The following HEXD variants were observed in gnomAD, a reference collection of about 807,000 sequenced individuals.
The protein encoded by HEXD is hexosaminidase D.
HEXD carries 47 observed loss-of-function variants against 54.2 expected under a neutral mutation model. The ratio of observed to expected loss-of-function variants is 0.87; its 90% CI spans 0.69 to 1.11. The LOEUF (loss-of-function observed/expected upper bound fraction) is 1.11, where lower values mean the gene tolerates loss of function less well. HEXD is among the 50% of genes least tolerant of loss of function. The pLI is 0.00. For synonymous variants in HEXD, 293 were observed against 287.6 expected (o/e 1.02, Z -0.19); for missense variants, 576 against 649.2 (o/e 0.89, Z 1.23).
chr17:82,435,844 C>T lies in HEXD; in HGVS notation c.603C>T (p.Leu201=), dbSNP rs146596135. ...CACCCCTGGTGTGGGACGACATGCT[C>T]CGAGACCTGCCTGAGGACCAGCTCG... ...SVTPLVWDDM[L]RDLPEDQLAA... The change falls in exon 6 of 13, where the codon CTC becomes CTT. Residue 201 remains leucine, a synonymous_variant. Coordinates refer to ENST00000327949, the MANE Select transcript of HEXD (RefSeq NM_001330542.2). 7 of 1,609,786 alleles carry T rather than the reference C, an allele frequency of 4.3e-6. No homozygotes were observed. The South Asian group carries it at 5.5e-5, about 13-fold the overall frequency.
At chr17:82,422,241 C>A (rs1020305371) in intron 2 of HEXD, among the ~76,000 whole-genome samples, 1 of 151,698 alleles carries the variant, frequency 6.6e-6, no homozygotes, top group Non-Finnish European at 1.5e-5. Context: ...ACACACAGGC[C>A]CACCCAGCAG....
chr17:82,420,098 C>A (rs933143057), intron 2 of HEXD: 10 of 370,708 alleles, frequency 2.7e-5, no homozygotes, highest in Non-Finnish European at 4.3e-5. Flanking sequence ...AAAAAAAAGA[C>A]AGAGAACAAA....
intron 1 of HEXD, 103 bp from the exon 2 acceptor site, chr17:82,419,646 C>A: frequency 1.9e-6 from 1 of 519,404 alleles, no homozygotes; most frequent in Non-Finnish European, 3.5e-6. Flanking sequence ...CCAAGTTAAT[C>A]TATCAAAACT....
intron 8 of HEXD, chr17:82,439,311 A>C: frequency 2.2e-6 from 1 of 461,474 alleles, no homozygotes; most frequent in Non-Finnish European, 2.8e-6. Context: ...CTCAGAGGCC[A>C]GAGGTGCTGG....
chr17:82,431,605 G>A (rs2053579310), intron 4 of HEXD, among the ~76,000 whole-genome samples: 1 of 151,858 alleles, frequency 6.6e-6, no homozygotes, highest in African/African-American at 2.4e-5. Context: ...GTAGAGACGG[G>A]GTTTTGCCAT....
At chr17:82,433,587 G>A (rs1567891035) in intron 4 of HEXD, 71 bp from the exon 5 acceptor site, 5 of 1,419,238 alleles carry the variant, frequency 3.5e-6, no homozygotes, top group Non-Finnish European at 4.7e-6. Flanking sequence ...TGAAACAGAA[G>A]CCCCAGGTGG....
chr17:82,436,909 C>A, intron 7 of HEXD, 171 bp downstream of exon 7: 1 of 647,720 alleles, frequency 1.5e-6, no homozygotes, highest in Non-Finnish European at 2.7e-6. Context: ...GGCCACCGTG[C>A]ACCGGTGCCT....
chr17:82,437,450 TC>T, intron 8 of HEXD, 87 bp downstream of exon 8: 1 of 1,232,068 alleles, frequency 8.1e-7, no homozygotes, highest in Non-Finnish European at 1.1e-6. Context: ...CCAAGGGCCT[TC>T]CCAGGTTGGT....
chr17:82,429,444 G>C (rs1247377708), intron 4 of HEXD, among the ~76,000 whole-genome samples: 1 of 152,038 alleles, frequency 6.6e-6, no homozygotes, highest in East Asian at 1.9e-4. Context: ...ACATGTCGGT[G>C]TTCTGGGCGT....
intron 1 of HEXD, among the ~76,000 whole-genome samples, chr17:82,419,525 CAAA>C: frequency 6.6e-6 from 1 of 152,286 alleles, no homozygotes; most frequent in African/African-American, 2.4e-5. Context: ...ATCTTATAAA[CAAA>C]CTAGTGCTGT....
intron 3 of HEXD, chr17:82,426,960 C>G (rs1167726328): frequency 6.6e-6 from 1 of 152,140 alleles, no homozygotes; most frequent in Non-Finnish European, 1.5e-5. Context: ...ACAGGTGAAA[C>G]CCCGTCTCTA....
intron 5 of HEXD, among the ~76,000 whole-genome samples, 175 bp downstream of exon 5, chr17:82,433,997 C>T (rs555152962): frequency 1.3e-5 from 2 of 152,116 alleles, no homozygotes; most frequent in African/African-American, 2.4e-5. Flanking sequence ...GGACAGCCTG[C>T]GGAGCCCGAG....
At chr17:82,436,848 T>C in intron 7 of HEXD, 110 bp downstream of exon 7, 1 of 1,032,118 alleles carries the variant, frequency 9.7e-7, no homozygotes. Context: ...CCTGCACGGG[T>C]AGAGGCCAGG....
intron 9 of HEXD, chr17:82,440,074 C>A: frequency 7.7e-7 from 1 of 1,296,048 alleles, no homozygotes; most frequent in Non-Finnish European, 1.0e-6. Flanking sequence ...GGCGCCCGGC[C>A]CTGGAAGGCC....
intron 2 of HEXD, among the ~76,000 whole-genome samples, chr17:82,423,770 GCCACT>G (rs1206635601): frequency 1.4e-5 from 2 of 147,464 alleles, no homozygotes; most frequent in Non-Finnish European, 3.0e-5. Flanking sequence ...CCAAGATCAC[GCCACT>G]CCACTCCAGC....
At chr17:82,428,486 G>T in intron 3 of HEXD, 72 bp from the exon 4 acceptor site, 1 of 1,337,180 alleles carries the variant, frequency 7.5e-7, no homozygotes, top group South Asian at 1.2e-5. Flanking sequence ...TGATGAGGAA[G>T]GGCTGGGGGG....
intron 4 of HEXD, among the ~76,000 whole-genome samples, chr17:82,429,628 G>C (rs1309206154): frequency 6.6e-6 from 1 of 152,142 alleles, no homozygotes; most frequent in Non-Finnish European, 1.5e-5. Flanking sequence ...GACGGTTTTA[G>C]TCCTTTCCTG....
Position 82,442,536 on chromosome 17 carries a change from C to A in HEXD, c.*152C>A. ...AGTTCCTGAGGGCCCTGGGCAGCCC[C>A]TGGGGGAGAGACTAGAAAACACAGA... On this transcript the variant is annotated 3_prime_UTR_variant, in exon 13 of 13. Transcript: ENST00000327949. The surrounding 1 kb of genome is among the most constrained non-coding windows in gnomAD (Gnocchi z 6.8). 6.3e-7 allele frequency: 1 copy of A among 1,588,270 alleles called. No homozygotes were observed. The highest frequency in any genetic ancestry group is 1.1e-5 in the South Asian group (1 of 90,568).
At chr17:82,425,591 A>G (rs982199569) in intron 3 of HEXD, 24 of 152,496 alleles carry the variant, frequency 1.6e-4, no homozygotes, top group African/African-American at 5.3e-4. Flanking sequence ...GTGAAAATCA[A>G]TAACGGCCCC....
Sources: gnomAD v4.1 joint callset for allele counts (sites outside exome capture counted in the v4.1 genomes callset) on GRCh38, gnomAD v4.1.1 for gene constraint, Gnocchi (gnomAD v3.1) non-coding constraint, MANE v1.5 for transcripts, NCBI Gene and HGNC (gene_info 2026-07-23, HGNC 2026-07-21) for gene names.